Variants in ASCC1 observed in about 807,000 individuals in gnomAD.
ASCC1 encodes activating signal cointegrator 1 complex subunit 1.
Under a neutral mutation model 46.6 loss-of-function variants are expected in ASCC1, and 35 were observed. The ratio of observed to expected loss-of-function variants is 0.75; its 90% CI spans 0.57 to 0.99. ASCC1 has a LOEUF of 0.99. Among genes scored for constraint, ASCC1 ranks in the 50% least tolerant of loss-of-function variants. The pLI is 0.00. For synonymous variants in ASCC1, 143 were observed against 146.6 expected, an observed-to-expected ratio of 0.98 and a Z score of 0.18; for missense variants, 376 against 428.7, an observed-to-expected ratio of 0.88 and a Z score of 1.09.
intron 5 of ASCC1, among the ~76,000 whole-genome samples, chr10:72,192,354 C>G (rs1854643583): frequency 6.6e-6 from 1 of 151,488 alleles, no homozygotes. Context: ...ACTTGGGAAG[C>G]TGTGCCAGAA....
Position 72,112,600 on chromosome 10 carries a change from G to A in ASCC1, c.958-15150C>T, listed in dbSNP as rs369153450. ...TTTTACCACAATTTAAAAAAACAACGGCCGGGTGCAGTGGCTCACACCTGT... is the reference window on the plus strand; with the variant it reads ...TTTTACCACAATTTAAAAAAACAACAGCCGGGTGCAGTGGCTCACACCTGT... On this transcript the variant is annotated intron_variant, in intron 9 of 9. Transcript: ENST00000672957. Among the ~76,000 whole-genome samples, 11 of 152,062 alleles carry A rather than the reference G, an allele frequency of 7.2e-5. No homozygotes were observed. The East Asian group carries it at 1.7e-3, about 24-fold the overall frequency.
chr10:72,214,367 CTTTTTTTT>C (rs970289326), intron 1 of ASCC1, among the ~76,000 whole-genome samples: 1 of 88,464 alleles, frequency 1.1e-5, no homozygotes, highest in Non-Finnish European at 2.1e-5. Flanking sequence ...CACAATATCT[CTTTTTTTT>C]TTTTTTTTTT....
intron 4 of ASCC1, among the ~76,000 whole-genome samples, chr10:72,197,467 CAAAAAAAAAAAAA>C (rs59460393): frequency 1.9e-5 from 1 of 51,364 alleles, no homozygotes; most frequent in East Asian, 5.9e-4. Context: ...GACTCTATCT[CAAAAAAAAAAAAA>C]AAAAAAAAAA....
rs373917782 is a variant in ASCC1, at chr10:72,179,845, T to C, written c.489+16966A>G. On this transcript the variant is annotated intron_variant, in intron 5 of 9. Transcript: ENST00000672957. ...CAGGCTAATTTACAATATTATAGAT[T>C]ACTAGCAGAAAAAAAATGCATGAAC... Among the ~76,000 whole-genome samples, 4 of 152,174 alleles carry C rather than the reference T, an allele frequency of 2.6e-5. No individual in the cohort carries two copies. The South Asian group carries it at 8.3e-4, about 32-fold the overall frequency.
At chr10:72,101,432 G>A (rs1023316093) in intron 9 of ASCC1, among the ~76,000 whole-genome samples, 25 of 152,194 alleles carry the variant, frequency 1.6e-4, no homozygotes, top group African/African-American at 5.8e-4. Context: ...CCATCTGGAG[G>A]AGACGAGACC....
Position 72,119,295 on chromosome 10 carries a change from G to A in ASCC1, c.957+8787C>T, listed in dbSNP as rs149125310. 6.0e-4 allele frequency among the ~76,000 whole-genome samples: 91 copies of A among 152,338 alleles called. No individual in the cohort carries two copies. The East Asian group carries it at 0.016, about 26-fold the overall frequency. ...GACCACTTTGTTCTTAACAAGGCCTGCCCTCAGGAGAAACTATTTTACCAG... is the reference window on the plus strand; with the variant it reads ...GACCACTTTGTTCTTAACAAGGCCTACCCTCAGGAGAAACTATTTTACCAG... On this transcript the variant is annotated intron_variant, in intron 9 of 9. Coordinates refer to ENST00000672957, the MANE Select transcript of ASCC1 (RefSeq NM_001198800.3).
chr10:72,142,240 A>G (rs1847107777), intron 7 of ASCC1, among the ~76,000 whole-genome samples: 1 of 152,132 alleles, frequency 6.6e-6, no homozygotes, highest in Admixed American at 6.5e-5. Context: ...GTAGGATATT[A>G]TTAGATTTTT....
At chr10:72,167,638 C>CTT (rs547602844) in intron 5 of ASCC1, among the ~76,000 whole-genome samples, 3 of 133,738 alleles carry the variant, frequency 2.2e-5, no homozygotes, top group Non-Finnish European at 3.3e-5. Flanking sequence ...GTGTCTATGT[C>CTT]TTTTTTTTTT....
chr10:72,117,366 T>G (rs1049926396), intron 9 of ASCC1, among the ~76,000 whole-genome samples: 2 of 152,236 alleles, frequency 1.3e-5, no homozygotes, highest in African/African-American at 4.8e-5. Flanking sequence ...TTCTGTTTGC[T>G]ACTGCCATAT....
At chr10:72,103,436 G>A (rs979853913) in intron 9 of ASCC1, among the ~76,000 whole-genome samples, 1 of 152,086 alleles carries the variant, frequency 6.6e-6, no homozygotes, top group African/African-American at 2.4e-5. Flanking sequence ...CCGGCCAATA[G>A]ATCCTATGAT....
intron 5 of ASCC1, among the ~76,000 whole-genome samples, chr10:72,180,304 A>G (rs1429792581): frequency 1.3e-5 from 2 of 151,760 alleles, no homozygotes; most frequent in East Asian, 1.9e-4. Flanking sequence ...AAAAAAAAAG[A>G]ACCAAATGGA....
At chr10:72,106,263 CAT>C (rs888347760) in intron 9 of ASCC1, among the ~76,000 whole-genome samples, 2 of 152,200 alleles carry the variant, frequency 1.3e-5, no homozygotes, top group African/African-American at 2.4e-5. Context: ...TCTTGACACA[CAT>C]GAGATAAACC....
chr10:72,167,188 A>G (rs1459457653), intron 5 of ASCC1, among the ~76,000 whole-genome samples: 1 of 152,242 alleles, frequency 6.6e-6, no homozygotes, highest in African/African-American at 2.4e-5. Context: ...TAATAGCCAA[A>G]GAGTAGGAAC....
intron 9 of ASCC1, among the ~76,000 whole-genome samples, chr10:72,127,308 G>A (rs974785333): frequency 9.2e-5 from 14 of 152,144 alleles, no homozygotes; most frequent in African/African-American, 3.4e-4. Flanking sequence ...GATGGAGAAG[G>A]CATAAATCAT....
chr10:72,130,001 A>C (rs866521329), intron 8 of ASCC1, among the ~76,000 whole-genome samples: 41 of 134,940 alleles, frequency 3.0e-4, no homozygotes, highest in African/African-American at 6.5e-4. Context: ...AAAAAAAAAA[A>C]ACACACAGAA....
chr10:72,202,920 G>T (rs1467584864), intron 4 of ASCC1, among the ~76,000 whole-genome samples: 1 of 152,074 alleles, frequency 6.6e-6, no homozygotes. Context: ...TAAGGCCCAG[G>T]TACTCAATCA....
rs1378551727 is a variant in ASCC1, at chr10:72,196,826, C to T, written c.474G>A (p.Leu158=). Residue 158 remains leucine (L), a synonymous_variant, in exon 5 of 10, where the codon CTG becomes CTA. Transcript: ENST00000672957. ...EGFLRFQEEV[L]AKCSMDHGVD... is the part of the protein sequence containing the mutation. Reference sequence around the variant, plus strand: ...TTGCACTTACCATGGAGCACTTCGCCAGTACTTCCTCCTGGAATCTCAGGA... The same window carrying T: ...TTGCACTTACCATGGAGCACTTCGCTAGTACTTCCTCCTGGAATCTCAGGA... 17 of 1,612,972 alleles carry T rather than the reference C, an allele frequency of 1.1e-5. No homozygotes were observed. The highest frequency in any genetic ancestry group is 1.4e-5 in the Non-Finnish European group (17 of 1,179,954).
chr10:72,098,405 G>A (rs1283628363), intron 9 of ASCC1, among the ~76,000 whole-genome samples: 1 of 152,218 alleles, frequency 6.6e-6, no homozygotes, highest in Non-Finnish European at 1.5e-5. Context: ...TTGTTGCCCA[G>A]GCTGGAGTGC....
At chr10:72,138,484 C>G (rs887506360) in intron 7 of ASCC1, among the ~76,000 whole-genome samples, 1 of 152,026 alleles carries the variant, frequency 6.6e-6, no homozygotes, top group Non-Finnish European at 1.5e-5. Flanking sequence ...GTGTAACCTG[C>G]TCTTTTTACA....
Sources: gnomAD v4.1 joint callset for allele counts (sites outside exome capture counted in the v4.1 genomes callset) on GRCh38, gnomAD v4.1.1 for gene constraint, MANE v1.5 for transcripts, NCBI Gene and HGNC (gene_info 2026-07-23, HGNC 2026-07-21) for gene names.